Variants in DIABLO observed in about 807,000 individuals in gnomAD.
DIABLO encodes diablo IAP-binding mitochondrial protein, also known as diablo homolog, mitochondrial.
Under a neutral mutation model 31.7 loss-of-function variants are expected in DIABLO, and 32 were observed. That is an observed-to-expected ratio of 1.01 (90% CI 0.76 to 1.35). The LOEUF (loss-of-function observed/expected upper bound fraction) is 1.35. Among genes scored for constraint, DIABLO ranks in the 40% most tolerant of loss-of-function variants. The pLI is 0.00. For synonymous variants in DIABLO, 132 were observed against 103.2 expected (o/e 1.28, Z -1.69); for missense variants, 316 against 286.4 (o/e 1.10, Z -0.75).
intron 3 of DIABLO, among the ~76,000 whole-genome samples, chr12:122,217,986 A>G (rs1204106352): frequency 6.6e-6 from 1 of 152,126 alleles, no homozygotes; most frequent in Non-Finnish European, 1.5e-5. Context: ...CTGTAAAAAA[A>G]AAAAAAAAGG....
At chr12:122,213,490 T>TAAGA (rs141377840) in intron 5 of DIABLO, among the ~76,000 whole-genome samples, 14,195 of 135,938 alleles carry the variant, frequency 0.1, 1,028 homozygotes, top group African/African-American at 0.23. Context: ...GGTAACAGAG[T>TAAGA]AAGACCTTGT....
chr12:122,222,926 G>A (rs1360821089), intron 2 of DIABLO, among the ~76,000 whole-genome samples: 1 of 151,942 alleles, frequency 6.6e-6, no homozygotes, highest in African/African-American at 2.4e-5. Context: ...CAGCCCAGGG[G>A]TTGGGGACCC....
At chr12:122,215,085 TGA>T (rs1165373687) in intron 5 of DIABLO, among the ~76,000 whole-genome samples, 3 of 152,172 alleles carry the variant, frequency 2.0e-5, no homozygotes, top group African/African-American at 7.2e-5. Context: ...CCCAGCACTT[TGA>T]GAGGCTGAAG....
chr12:122,218,292 T>C lies in DIABLO; in HGVS notation c.289A>G (p.Ile97Val). ...TFLSQTTYAL[I>V]EAITEYTKAV... Reference sequence around the variant, plus strand: ...TTAGTATATTCAGTAATAGCTTCAATCAACGCATATGTGGTCTGAGAGAGA... The same window carrying C: ...TTAGTATATTCAGTAATAGCTTCAACCAACGCATATGTGGTCTGAGAGAGA... The change falls in exon 3 of 6, where the codon ATT becomes GTT. Residue 97 changes from isoleucine to valine, a missense_variant. Coordinates refer to ENST00000464942, the MANE Select transcript of DIABLO (RefSeq NM_001371333.1). The C allele has an allele frequency of 6.2e-7, 1 of 1,614,110 alleles. No homozygotes were observed.
At chr12:122,208,862 G>C in intron 5 of DIABLO, 1 of 501,386 alleles carries the variant, frequency 2.0e-6, no homozygotes, top group South Asian at 1.7e-5. Flanking sequence ...AGAGCTTTTA[G>C]TACAGACCTT....
At chr12:122,225,527 C>T (rs973091244) in intron 1 of DIABLO, 6 of 1,085,360 alleles carry the variant, frequency 5.5e-6, no homozygotes, top group Non-Finnish European at 6.7e-6. Flanking sequence ...TACAATCGCC[C>T]AGGAGCCTGC....
chr12:122,219,526 GA>G (rs1367092165), intron 2 of DIABLO, among the ~76,000 whole-genome samples: 1 of 152,070 alleles, frequency 6.6e-6, no homozygotes, highest in Non-Finnish European at 1.5e-5. Context: ...TAATAGCTTA[GA>G]AAAGGCTTCA....
At position 122,208,362 on chromosome 12, in the gene DIABLO, G is replaced by T; in HGVS notation, c.*19C>A. The stretch of plus-strand genomic sequence containing the variant: ...GCTTTCCCCACTGAGTGGGGAGACA[G>T]GGCAGTGTGCTCAGGCCCTCAATCC... On this transcript the variant is annotated 3_prime_UTR_variant, in exon 6 of 6. Coordinates refer to ENST00000464942, the MANE Select transcript of DIABLO (RefSeq NM_001371333.1). The T allele has an allele frequency of 6.2e-7, 1 of 1,610,930 alleles. No individual in the cohort carries two copies.
At position 122,208,071 on chromosome 12, in the gene DIABLO, G is replaced by A; in HGVS notation, c.*310C>T. The stretch of plus-strand genomic sequence containing the variant: ...GCTGAACTTAAGGGCATGACAAAAA[G>A]GACTCCTCTCTCTGACCCAGGTAGG... On this transcript the variant is annotated 3_prime_UTR_variant, in exon 6 of 6. Transcript: ENST00000464942. The A allele has an allele frequency of 1.7e-6, 1 of 594,448 alleles. No individual in the cohort carries two copies. Among genetic ancestry groups the A allele is most frequent in the Non-Finnish European group, 3.1e-6 (1 of 317,846 alleles). 36.8% of individuals were successfully genotyped at this position (594,448 alleles called of 1,614,324 possible). A position where few individuals can be genotyped will look rare whatever the true frequency, so the allele number is the denominator to read the frequency against.
chr12:122,208,076 CCT>C lies in DIABLO; in HGVS notation c.*303_*304del, dbSNP rs759741658. The C allele has an allele frequency of 3.0e-5, 18 of 602,932 alleles. No individual in the cohort carries two copies. Among genetic ancestry groups the C allele is most frequent in the Admixed American group, 2.1e-4 (10 of 46,932 alleles). The allele number at this position is 602,932 out of a possible 1,614,324, so 37.3% of individuals were successfully genotyped here. On this transcript the variant is annotated 3_prime_UTR_variant, in exon 6 of 6. Transcript: ENST00000464942. Reference sequence around the variant, plus strand: ...ACTTAAGGGCATGACAAAAAGGACTCCTCTCTCTGACCCAGGTAGGCAAAATG... The same window carrying C: ...ACTTAAGGGCATGACAAAAAGGACTCCTCTCTGACCCAGGTAGGCAAAATG...
At chr12:122,226,735 C>G, upstream of DIABLO, 1 of 572,338 alleles carries the variant, frequency 1.7e-6, no homozygotes, top group South Asian at 2.1e-5. Context: ...CTCGGTTACA[C>G]TGGAGAATCC....
chr12:122,214,733 G>C (rs1298649543), intron 5 of DIABLO, among the ~76,000 whole-genome samples: 5 of 149,646 alleles, frequency 3.3e-5, no homozygotes, highest in Admixed American at 2.7e-4. Context: ...TTTTTTTCTT[G>C]AGACAGAGTC....
At chr12:122,218,159 G>A (rs1954255649) in intron 3 of DIABLO, 107 bp downstream of exon 3, 2 of 1,324,120 alleles carry the variant, frequency 1.5e-6, no homozygotes, top group East Asian at 2.4e-5. Context: ...AAATAGGCCT[G>A]GCTATGTTTC....
At chr12:122,211,716 A>G (rs1472190610) in intron 5 of DIABLO, among the ~76,000 whole-genome samples, 2 of 152,126 alleles carry the variant, frequency 1.3e-5, no homozygotes, top group Non-Finnish European at 2.9e-5. Flanking sequence ...AATAGCTTTA[A>G]TAGCTTTAAT....
intron 5 of DIABLO, among the ~76,000 whole-genome samples, chr12:122,210,760 A>C (rs1954068746): frequency 2.0e-5 from 3 of 152,220 alleles, no homozygotes; most frequent in Admixed American, 2.0e-4. Context: ...TTAGAAGAGT[A>C]TGTAAATTTA....
chr12:122,227,447 C>T (rs1454694008), upstream of DIABLO: 1 of 454,042 alleles, frequency 2.2e-6, no homozygotes, highest in Non-Finnish European at 4.4e-6. Context: ...TCTGCGATCT[C>T]GGCAGAACTG....
intron 3 of DIABLO, 34 bp downstream of exon 3, chr12:122,218,232 G>A: frequency 6.2e-7 from 1 of 1,613,060 alleles, no homozygotes; most frequent in Non-Finnish European, 8.5e-7. Context: ...GCTAAACCAT[G>A]GTTTAGAAGA....
At chr12:122,220,766 C>G (rs1192877052) in intron 2 of DIABLO, 3 of 152,178 alleles carry the variant, frequency 2.0e-5, no homozygotes, top group Non-Finnish European at 2.9e-5. Flanking sequence ...TTGAAAGAGG[C>G]AGTCAAGAAA....
At chr12:122,208,990 G>C in intron 5 of DIABLO, 1 of 329,908 alleles carries the variant, frequency 3.0e-6, no homozygotes. Context: ...GGAATGCATA[G>C]AAAAATATTT....
Sources: gnomAD v4.1 joint callset for allele counts (sites outside exome capture counted in the v4.1 genomes callset) on GRCh38, gnomAD v4.1.1 for gene constraint, MANE v1.5 for transcripts, NCBI Gene and HGNC (gene_info 2026-07-23, HGNC 2026-07-21) for gene names.